The following THSD4 variants were observed in gnomAD, a reference collection of about 807,000 sequenced individuals.
THSD4 encodes the protein thrombospondin type 1 domain containing 4, also known as thrombospondin type-1 domain-containing protein 4.
A neutral mutation model predicts 119.0 loss-of-function variants in THSD4; 69 were observed. The ratio of observed to expected loss-of-function variants is 0.58; its 90% CI spans 0.48 to 0.71. The LOEUF is 0.71. Ranked by LOEUF, THSD4 falls within the 30% of genes least tolerant of loss-of-function variation. THSD4 has a pLI of 0.00. For missense variants in THSD4, 1,393 were observed against 1,391.1 expected, an observed-to-expected ratio of 1.00 and a Z score of -0.02; for synonymous variants, 524 against 540.4, an observed-to-expected ratio of 0.97 and a Z score of 0.42.
At chr15:71,458,345 A>G (rs972624118) in intron 7 of THSD4, among the ~76,000 whole-genome samples, 5 of 152,172 alleles carry the variant, frequency 3.3e-5, no homozygotes, top group Admixed American at 6.5e-5. Context: ...CAAAGGTTCT[A>G]TTTTGTCTTA....
intron 8 of THSD4, among the ~76,000 whole-genome samples, chr15:71,684,008 A>G (rs2051853761): frequency 6.6e-6 from 1 of 152,150 alleles, no homozygotes; most frequent in Admixed American, 6.5e-5. Flanking sequence ...CTAAGAACAT[A>G]GCATTTATTA....
chr15:71,464,068 C>T (rs2047464517), intron 7 of THSD4, among the ~76,000 whole-genome samples: 1 of 152,192 alleles, frequency 6.6e-6, no homozygotes, highest in Admixed American at 6.5e-5. Context: ...CTTTCCCCAC[C>T]ATCCTAGTTG....
chr15:71,371,371 C>T (rs1359438462), intron 6 of THSD4, among the ~76,000 whole-genome samples: 3 of 152,288 alleles, frequency 2.0e-5, no homozygotes, highest in African/African-American at 7.2e-5. Flanking sequence ...TTCTTCCTAG[C>T]ATCGATGGTC....
chr15:71,538,745 T>C (rs2048719408), intron 7 of THSD4, among the ~76,000 whole-genome samples: 1 of 152,232 alleles, frequency 6.6e-6, no homozygotes, highest in Non-Finnish European at 1.5e-5. Context: ...GGGACCATAG[T>C]TGAGAACCTC....
At position 71,312,015 on chromosome 15, in the gene THSD4, G is replaced by A. The variant is rs568354754; in HGVS notation, c.1015+55300G>A. Among the ~76,000 whole-genome samples the A allele has an allele frequency of 2.0e-5, 3 of 152,268 alleles. No individual in the cohort carries two copies. In the East Asian group the frequency reaches 5.8e-4, roughly 29 times the overall value. On this transcript the variant is annotated intron_variant, in intron 6 of 17. Coordinates refer to ENST00000261862, the MANE Select transcript of THSD4 (RefSeq NM_024817.3). ...GAAGGCAGTTATCTTTTGTGACACT[G>A]TCCTACTGCAGACCCTCCGTGGCCT... is the stretch of plus-strand genomic sequence containing the variant.
chr15:71,455,491 C>G (rs1479167665), intron 7 of THSD4, among the ~76,000 whole-genome samples: 2 of 152,272 alleles, frequency 1.3e-5, no homozygotes, highest in African/African-American at 2.4e-5. Context: ...CAGGCCACTC[C>G]CTTAATGAGT....
At chr15:71,142,587 A>G (rs771081014) in intron 2 of THSD4, among the ~76,000 whole-genome samples, 7 of 152,224 alleles carry the variant, frequency 4.6e-5, no homozygotes, top group Non-Finnish European at 8.8e-5. Flanking sequence ...ATCAGGATTT[A>G]TGGTTGGCAG....
chr15:71,467,468 C>G (rs1244337710), intron 7 of THSD4, among the ~76,000 whole-genome samples: 3 of 152,194 alleles, frequency 2.0e-5, no homozygotes, highest in Non-Finnish European at 1.5e-5. Flanking sequence ...AGAGTGCAAT[C>G]TAATGGTGAT....
chr15:71,134,638 G>A (rs552111244), intron 1 of THSD4, among the ~76,000 whole-genome samples: 1 of 152,326 alleles, frequency 6.6e-6, no homozygotes, highest in African/African-American at 2.4e-5. Context: ...TAATGGAAGG[G>A]CATTTGTAAA....
chr15:71,291,424 G>A (rs1437700018), intron 6 of THSD4, among the ~76,000 whole-genome samples: 1 of 152,188 alleles, frequency 6.6e-6, no homozygotes, highest in Non-Finnish European at 1.5e-5. Flanking sequence ...TCGATGTTGT[G>A]TTCCAGTCTG....
intron 6 of THSD4, among the ~76,000 whole-genome samples, chr15:71,332,814 C>T (rs1204546081): frequency 6.6e-6 from 1 of 151,800 alleles, no homozygotes; most frequent in African/African-American, 2.4e-5. Context: ...CTTGTCCAAC[C>T]CGTGTCTTGT....
At chr15:71,632,998 G>A (rs1023849948) in intron 7 of THSD4, among the ~76,000 whole-genome samples, 1 of 152,120 alleles carries the variant, frequency 6.6e-6, no homozygotes, top group Non-Finnish European at 1.5e-5. Context: ...TCCCAAGTTT[G>A]GCAGCTTACC....
intron 7 of THSD4, among the ~76,000 whole-genome samples, chr15:71,442,660 G>GTGTGTGTATGTATGTATATATATATATA: frequency 1.9e-4 from 5 of 25,806 alleles, no homozygotes; most frequent in Non-Finnish European, 3.7e-4. Flanking sequence ...GTGTGTGTGT[G>GTGTGTGTATGTATGTATATATATATATA]TATATATATA....
intron 2 of THSD4, 141 bp from the exon 3 acceptor site, chr15:71,154,722 T>C: frequency 1.3e-6 from 1 of 790,916 alleles, no homozygotes; most frequent in Non-Finnish European, 2.1e-6. Flanking sequence ...CAACACTTTG[T>C]GTCTTCACTG....
At chr15:71,632,930 C>T (rs1236148769) in intron 7 of THSD4, among the ~76,000 whole-genome samples, 3 of 152,190 alleles carry the variant, frequency 2.0e-5, no homozygotes, top group Non-Finnish European at 4.4e-5. Flanking sequence ...GAGCCTATTG[C>T]TGTAACAAGT....
chr15:71,449,847 A>G (rs937262398), intron 7 of THSD4, among the ~76,000 whole-genome samples: 2 of 152,250 alleles, frequency 1.3e-5, no homozygotes, highest in Non-Finnish European at 2.9e-5. Context: ...AGTCATCTTA[A>G]TACCAATTGT....
intron 7 of THSD4, among the ~76,000 whole-genome samples, chr15:71,550,409 T>A (rs192249392): frequency 2.0e-4 from 30 of 152,264 alleles, no homozygotes; most frequent in African/African-American, 7.0e-4. Flanking sequence ...TATGATAAAT[T>A]CTGCAAAGTG....
chr15:71,368,107 C>T (rs2045990932), intron 6 of THSD4, among the ~76,000 whole-genome samples: 1 of 152,148 alleles, frequency 6.6e-6, no homozygotes, highest in Admixed American at 6.5e-5. Flanking sequence ...TGTTCATATC[C>T]TTCGCCCACT....
Position 71,321,495 on chromosome 15 carries a change from C to T in THSD4, c.1015+64780C>T, listed in dbSNP as rs887863540. On this transcript the variant is annotated intron_variant, in intron 6 of 17. Coordinates refer to ENST00000261862, the MANE Select transcript of THSD4 (RefSeq NM_024817.3). ...AGGTTGCAGTGAGCCAAGATGGCGCCATTGCACTCCAGCCTGGGCAACAGA... is the reference window on the plus strand; with the variant it reads ...AGGTTGCAGTGAGCCAAGATGGCGCTATTGCACTCCAGCCTGGGCAACAGA... 2.0e-5 allele frequency among the ~76,000 whole-genome samples: 3 copies of T among 152,258 alleles called. No individual in the cohort carries two copies. In the East Asian group the frequency reaches 5.8e-4, roughly 29 times the overall value.
Sources: gnomAD v4.1 joint callset for allele counts (sites outside exome capture counted in the v4.1 genomes callset) on GRCh38, gnomAD v4.1.1 for gene constraint, MANE v1.5 for transcripts, NCBI Gene and HGNC (gene_info 2026-07-23, HGNC 2026-07-21) for gene names.